Variants in SIN3A observed in about 807,000 individuals in gnomAD.
The protein encoded by SIN3A is paired amphipathic helix protein Sin3a.
Under a neutral mutation model 146.1 loss-of-function variants are expected in SIN3A, and 14 were observed. The ratio of observed to expected loss-of-function variants is 0.10; its 90% CI spans 0.06 to 0.15. The LOEUF (loss-of-function observed/expected upper bound fraction) is 0.15. Among genes scored for constraint, SIN3A ranks in the 10% least tolerant of loss-of-function variants. SIN3A has a pLI of 1.00. For missense variants in SIN3A, 1,028 were observed against 1,576.0 expected (o/e 0.65, Z 5.89); for synonymous variants, 572 against 572.0 (o/e 1.00, Z 0.00).
chr15:75,439,507 ATTT>A (rs555711749), intron 1 of SIN3A, among the ~76,000 whole-genome samples: 62 of 148,592 alleles, frequency 4.2e-4, no homozygotes, highest in African/African-American at 4.2e-4. Flanking sequence ...CGCCTGGCTA[ATTT>A]TTTTTTTGTA....
chr15:75,430,058 T>C (rs887964596), intron 2 of SIN3A, 129 bp downstream of exon 2: 19 of 262,904 alleles, frequency 7.2e-5, no homozygotes, highest in Middle Eastern at 6.3e-4. Flanking sequence ...TACACAGTTA[T>C]TTTTTTTTTT....
chr15:75,424,479 T>G (rs1207976074), intron 2 of SIN3A, among the ~76,000 whole-genome samples: 1 of 152,096 alleles, frequency 6.6e-6, no homozygotes, highest in Non-Finnish European at 1.5e-5. Context: ...ATTTTTTTTC[T>G]TACCTTTTTA....
rs760200525 is a variant in SIN3A at position 75,380,666 on chromosome 15, G to A, written c.3346C>T (p.Arg1116Cys). 10 of 1,614,050 alleles carry A rather than the reference G, an allele frequency of 6.2e-6. No individual in the cohort carries two copies. The highest frequency in any genetic ancestry group is 8.5e-6 in the Non-Finnish European group (10 of 1,179,952). ...ACTGGTTTCTGTGCTAGATGTTCAC[G>A]AAGCTCAGGCGAGGTAGTATCTGAA... The part of the protein sequence containing the change: ...MNSDTTSPEL[R>C]EHLAQKPVFL... Residue 1116 changes from arginine (R) to cysteine (C), a missense_variant, in exon 19 of 21, where the codon CGT becomes TGT. Arg to Cys is a radical substitution (Grantham distance 180). This residue lies in a region of SIN3A where 488 missense variants were observed against 690.2 expected (regional missense o/e 0.71). Coordinates refer to ENST00000394947, the MANE Select transcript of SIN3A (RefSeq NM_001145358.2).
intron 16 of SIN3A, among the ~76,000 whole-genome samples, chr15:75,387,055 C>T (rs1438714448): frequency 6.6e-6 from 1 of 152,160 alleles, no homozygotes; most frequent in Non-Finnish European, 1.5e-5. Flanking sequence ...TATCTGCCCG[C>T]CTTGGACTCC....
At chr15:75,382,928 C>T (rs919389789) in intron 17 of SIN3A, among the ~76,000 whole-genome samples, 1 of 152,092 alleles carries the variant, frequency 6.6e-6, no homozygotes, top group African/African-American at 2.4e-5. Context: ...ACTAAACACA[C>T]ACACCCACAC....
chr15:75,375,580 G>T, intron 20 of SIN3A, 85 bp downstream of exon 20: 1 of 1,085,772 alleles, frequency 9.2e-7, no homozygotes, highest in Non-Finnish European at 1.4e-6. Flanking sequence ...CATAAACAAA[G>T]AAAAACAATC....
At chr15:75,404,515 C>A (rs1402951987) in intron 9 of SIN3A, among the ~76,000 whole-genome samples, 18 of 152,218 alleles carry the variant, frequency 1.2e-4, no homozygotes. Flanking sequence ...AATCCCAACA[C>A]TTTGGGAGGC....
At chr15:75,414,687 G>A (rs2073701749) in intron 3 of SIN3A, among the ~76,000 whole-genome samples, 1 of 152,214 alleles carries the variant, frequency 6.6e-6, no homozygotes, top group Non-Finnish European at 1.5e-5. Flanking sequence ...ACATTTGTTT[G>A]TATGTAGTCA....
chr15:75,416,575 C>G (rs1286675880), intron 3 of SIN3A, among the ~76,000 whole-genome samples: 2 of 152,236 alleles, frequency 1.3e-5, no homozygotes, highest in East Asian at 3.8e-4. Flanking sequence ...ATCTGCCAGC[C>G]TCAGCCTCCC....
chr15:75,430,536 T>C (rs2073997113), intron 1 of SIN3A, 128 bp from the exon 2 acceptor site: 2 of 647,750 alleles, frequency 3.1e-6, no homozygotes, highest in East Asian at 3.1e-5. Context: ...TTCATCTTAG[T>C]GATGAAGTTT....
intron 10 of SIN3A, 72 bp downstream of exon 10, chr15:75,401,780 T>C (rs2073416204): frequency 2.1e-6 from 2 of 936,114 alleles, no homozygotes; most frequent in South Asian, 2.7e-5. Flanking sequence ...TTGCCTATCA[T>C]ATACTCTCAC....
chr15:75,387,586 G>T (rs1191197170), intron 16 of SIN3A, among the ~76,000 whole-genome samples: 2 of 150,206 alleles, frequency 1.3e-5, no homozygotes, highest in African/African-American at 4.9e-5. Flanking sequence ...AAAGCGGGGG[G>T]TGGGTGGAGA....
At chr15:75,410,442 GA>G (rs376579588) in intron 6 of SIN3A, among the ~76,000 whole-genome samples, 156 bp from the exon 7 acceptor site, 11 of 145,490 alleles carry the variant, frequency 7.6e-5, no homozygotes, top group South Asian at 2.2e-4. Context: ...TTCAAGTTGA[GA>G]AAAAAAAAAA....
At chr15:75,434,044 A>G (rs1388035634) in intron 1 of SIN3A, among the ~76,000 whole-genome samples, 1 of 152,232 alleles carries the variant, frequency 6.6e-6, no homozygotes, top group African/African-American at 2.4e-5. Flanking sequence ...AAGCTGTGAT[A>G]TAAATCCAGG....
chr15:75,396,571 G>C (rs2073308690), intron 12 of SIN3A, 75 bp from the exon 13 acceptor site: 1 of 1,086,906 alleles, frequency 9.2e-7, no homozygotes, highest in African/African-American at 1.6e-5. Context: ...AGAAGAATAA[G>C]GTAGGGAGTC....
At chr15:75,452,152 G>A (rs1211626259), upstream of SIN3A, among the ~76,000 whole-genome samples, 1 of 152,202 alleles carries the variant, frequency 6.6e-6, no homozygotes, top group Non-Finnish European at 1.5e-5. Context: ...AGTGAAACAG[G>A]CTCCGCCTAC....
chr15:75,411,471 G>A, intron 6 of SIN3A, 21 bp downstream of exon 6: 2 of 1,604,712 alleles, frequency 1.2e-6, no homozygotes, highest in Non-Finnish European at 1.7e-6. Context: ...GGTTAAGACA[G>A]GCTGAATGGG....
intron 6 of SIN3A, among the ~76,000 whole-genome samples, chr15:75,410,792 G>A (rs2073621312): frequency 6.6e-6 from 1 of 151,966 alleles, no homozygotes; most frequent in Non-Finnish European, 1.5e-5. Flanking sequence ...GCTCATGCCT[G>A]CAATCCCAGC....
In SIN3A at chr15:75,384,405, C is replaced by T; in HGVS notation, c.3054G>A (p.Val1018=). The T allele has an allele frequency of 6.2e-7, 1 of 1,613,374 alleles. No individual in the cohort carries two copies. The highest frequency in any genetic ancestry group is 1.3e-5 in the African/African-American group (1 of 74,992). ...CTGCCAGGTAAAGGTCAGTCACCTG[C>T]ACACAGATCTCATCACTCACGATAT... The part of the protein sequence containing the change: ...LQHIVSDEIC[V]QVTDLYLAEN... Residue 1018 remains valine, a synonymous_variant, in exon 17 of 21, where the codon GTG becomes GTA. Coordinates refer to ENST00000394947, the MANE Select transcript of SIN3A (RefSeq NM_001145358.2).
Sources: gnomAD v4.1 joint callset for allele counts (sites outside exome capture counted in the v4.1 genomes callset) on GRCh38, gnomAD v4.1.1 for gene constraint, gnomAD v4.1.1 regional missense constraint, MANE v1.5 for transcripts, NCBI Gene and HGNC (gene_info 2026-07-23, HGNC 2026-07-21) for gene names.